Variants in GPHN observed in about 807,000 individuals in gnomAD.
GPHN encodes gephyrin.
In GPHN, 17 loss-of-function variants were observed where a neutral mutation model predicts 95.5. The observed-to-expected ratio is 0.18, with a 90% CI of 0.12 to 0.27. The LOEUF is 0.27. Ranked by LOEUF, GPHN falls within the 10% of genes least tolerant of loss-of-function variation. The pLI is 1.00. For missense variants in GPHN, 660 were observed against 978.1 expected, an observed-to-expected ratio of 0.67 and a Z score of 4.34; for synonymous variants, 320 against 322.5, an observed-to-expected ratio of 0.99 and a Z score of 0.08.
chr14:66,694,020 A>C (rs992344970), intron 2 of GPHN, among the ~76,000 whole-genome samples: 2 of 152,174 alleles, frequency 1.3e-5, no homozygotes, highest in Non-Finnish European at 2.9e-5. Context: ...AGGAAAAAGA[A>C]TAGAGAGCCC....
the GPHN span, among the ~76,000 whole-genome samples, chr14:67,423,543 C>T: frequency 1.3e-5 from 2 of 151,978 alleles, no homozygotes; most frequent in Non-Finnish European, 2.9e-5. Context: ...AACCAGGGAA[C>T]TCAAAGGGAA....
the GPHN span, among the ~76,000 whole-genome samples, chr14:67,457,644 G>A: frequency 6.6e-6 from 1 of 152,204 alleles, no homozygotes; most frequent in Non-Finnish European, 1.5e-5. Context: ...AAAGAAGGAA[G>A]CCACAGACTT....
intron 4 of GPHN, among the ~76,000 whole-genome samples, chr14:66,835,569 C>T (rs1402440810): frequency 6.6e-6 from 1 of 151,722 alleles, no homozygotes; most frequent in East Asian, 2.0e-4. Context: ...CACTCCTATT[C>T]AACATAGTGT....
At chr14:66,772,354 C>A (rs1254339288) in intron 2 of GPHN, among the ~76,000 whole-genome samples, 1 of 152,192 alleles carries the variant, frequency 6.6e-6, no homozygotes, top group East Asian at 1.9e-4. Flanking sequence ...AATCTTTGAC[C>A]TCGTGGTAGG....
the GPHN span, chr14:67,678,203 T>TGGAAGGTTTTGCTCTCTTTGTGC: frequency 2.1e-5 from 14 of 680,282 alleles, no homozygotes; most frequent in East Asian, 3.7e-4. Flanking sequence ...CAGGCAAGGC[T>TGGAAGGTTTTGCTCTCTTTGTGC]GGAAGGTTTT....
chr14:67,465,478 A>T, the GPHN span, among the ~76,000 whole-genome samples: 1 of 152,220 alleles, frequency 6.6e-6, no homozygotes, highest in African/African-American at 2.4e-5. Context: ...ATCATTAAAG[A>T]GTCTGAAGTA....
intron 3 of GPHN, among the ~76,000 whole-genome samples, chr14:66,809,268 TG>T (rs1209800568): frequency 2.0e-5 from 3 of 152,138 alleles, no homozygotes; most frequent in Non-Finnish European, 4.4e-5. Context: ...TGGAAAGTAC[TG>T]GGGGTATATC....
intron 1 of GPHN, among the ~76,000 whole-genome samples, chr14:66,639,828 A>C (rs981780990): frequency 1.2e-4 from 19 of 152,094 alleles, no homozygotes; most frequent in African/African-American, 4.3e-4. Flanking sequence ...TACATCTACA[A>C]ATTTTAACAG....
chr14:67,644,292 C>G, the GPHN span, among the ~76,000 whole-genome samples: 1 of 152,324 alleles, frequency 6.6e-6, no homozygotes, highest in East Asian at 1.9e-4. Context: ...CAAAGCAACT[C>G]TGATTTACAC....
At chr14:66,536,988 G>T (rs1040352508) in intron 1 of GPHN, among the ~76,000 whole-genome samples, 8 of 152,124 alleles carry the variant, frequency 5.3e-5, no homozygotes, top group African/African-American at 1.9e-4. Flanking sequence ...TTGTCATTAT[G>T]AAATGACCTT....
the GPHN span, among the ~76,000 whole-genome samples, chr14:67,452,623 G>A: frequency 6.6e-6 from 1 of 152,294 alleles, no homozygotes; most frequent in East Asian, 1.9e-4. Flanking sequence ...AGGAAGCAGG[G>A]CAGTGTGGGG....
the GPHN span, chr14:67,575,348 G>A: frequency 1.7e-3 from 1,943 of 1,175,966 alleles, 30 homozygotes; most frequent in African/African-American, 0.027. Context: ...TTTACTTCTA[G>A]AGTTACCTAG....
At chr14:67,706,624 A>C in the GPHN span, among the ~76,000 whole-genome samples, 1 of 152,228 alleles carries the variant, frequency 6.6e-6, no homozygotes. Context: ...GGAGGCAATC[A>C]GATACGCATT....
chr14:67,073,466 C>A (rs1174470480), intron 11 of GPHN, among the ~76,000 whole-genome samples: 1 of 152,130 alleles, frequency 6.6e-6, no homozygotes, highest in Non-Finnish European at 1.5e-5. Context: ...AAAAATTATT[C>A]TTCCTAAAAA....
At chr14:67,628,583 T>A in the GPHN span, among the ~76,000 whole-genome samples, 1 of 152,328 alleles carries the variant, frequency 6.6e-6, no homozygotes, top group Admixed American at 6.5e-5. Context: ...ACTTAATACC[T>A]CTTATCAAAA....
At chr14:67,298,757 C>T in the GPHN span, among the ~76,000 whole-genome samples, 2 of 152,158 alleles carry the variant, frequency 1.3e-5, no homozygotes, top group South Asian at 4.1e-4. Flanking sequence ...AAACATACAA[C>T]TGCTATCAAG....
intron 1 of GPHN, among the ~76,000 whole-genome samples, chr14:66,517,126 C>CAAAAAAAAAAAAAAAA (rs1171024713): frequency 6.5e-5 from 2 of 31,002 alleles, no homozygotes; most frequent in Non-Finnish European, 1.5e-4. Flanking sequence ...GACTCCATCT[C>CAAAAAAAAAAAAAAAA]AAAAAAAAAA....
intron 9 of GPHN, among the ~76,000 whole-genome samples, chr14:66,986,118 CT>C (rs950890321): frequency 2.4e-5 from 3 of 126,356 alleles, no homozygotes; most frequent in African/African-American, 4.5e-5. Flanking sequence ...CCCCTTTTAG[CT>C]TTTTTTTGTA....
the GPHN span, chr14:67,412,109 C>G: frequency 6.8e-7 from 1 of 1,461,728 alleles, no homozygotes. Context: ...CCCCGCGCCT[C>G]GCGCTCCTCG....
Sources: allele counts gnomAD v4.1 joint callset (sites outside exome capture counted in the v4.1 genomes callset), GRCh38; gene constraint gnomAD v4.1.1; transcripts MANE v1.5; gene names NCBI Gene and HGNC (gene_info 2026-07-23, HGNC 2026-07-21).